Variants in FOXN3 observed in about 807,000 individuals in gnomAD.
FOXN3 encodes the protein forkhead box N3.
In FOXN3, 7 loss-of-function variants were observed where a neutral mutation model predicts 38.4. The ratio of observed to expected loss-of-function variants is 0.18; its 90% confidence interval spans 0.10 to 0.34. The LOEUF is 0.34. Ranked by LOEUF, FOXN3 falls within the 10% of genes least tolerant of loss-of-function variation. FOXN3 has a pLI of 1.00. For missense variants in FOXN3, 456 were observed against 613.4 expected, an observed-to-expected ratio of 0.74 and a Z score of 2.71; for synonymous variants, 230 against 242.2, an observed-to-expected ratio of 0.95 and a Z score of 0.47.
intron 1 of FOXN3, among the ~76,000 whole-genome samples, chr14:89,531,149 A>G (rs1376511813): frequency 2.0e-5 from 3 of 149,986 alleles, no homozygotes; most frequent in African/African-American, 4.9e-5. Context: ...TGTATTATAT[A>G]TACACATATA....
chr14:89,468,951 T>C (rs990550406), intron 1 of FOXN3, among the ~76,000 whole-genome samples: 24 of 152,194 alleles, frequency 1.6e-4, no homozygotes, highest in African/African-American at 5.8e-4. Flanking sequence ...GCTCTGCCCA[T>C]ATACCCTGAC....
intron 2 of FOXN3, among the ~76,000 whole-genome samples, chr14:89,373,182 A>C (rs976934806): frequency 1.3e-4 from 20 of 152,290 alleles, no homozygotes; most frequent in Admixed American, 1.1e-3. Context: ...AAGAAAAAAA[A>C]CAATTAAATG....
chr14:89,315,403 G>A (rs2110700), intron 3 of FOXN3, among the ~76,000 whole-genome samples: 102,010 of 151,958 alleles, frequency 0.67, 34,408 homozygotes, highest in East Asian at 0.72. Context: ...GAAGCCAGGC[G>A]TCAATAGTCC....
chr14:89,306,102 T>A (rs1056601949), intron 3 of FOXN3, among the ~76,000 whole-genome samples: 5 of 152,268 alleles, frequency 3.3e-5, no homozygotes, highest in Non-Finnish European at 7.3e-5. Context: ...TTTCTGCCTT[T>A]GTCTGCATTC....
intron 1 of FOXN3, among the ~76,000 whole-genome samples, chr14:89,494,935 C>T (rs1156677494): frequency 6.6e-6 from 1 of 152,028 alleles, no homozygotes; most frequent in Non-Finnish European, 1.5e-5. Context: ...CTCTTTTTTG[C>T]TTCAAGTTCA....
intron 4 of FOXN3, among the ~76,000 whole-genome samples, chr14:89,216,933 G>A (rs1041213604): frequency 3.9e-5 from 6 of 152,162 alleles, no homozygotes; most frequent in Non-Finnish European, 7.3e-5. Flanking sequence ...TTGAGGGCAA[G>A]GAGTGTGGAA....
chr14:89,403,265 G>A (rs1437935359), intron 2 of FOXN3, among the ~76,000 whole-genome samples: 3 of 152,136 alleles, frequency 2.0e-5, no homozygotes, highest in Middle Eastern at 6.8e-3. Context: ...GCAGTGGTGC[G>A]ATCATGGCTC....
intron 2 of FOXN3, among the ~76,000 whole-genome samples, chr14:89,370,984 G>T (rs1017932802): frequency 7.6e-6 from 1 of 131,316 alleles, no homozygotes; most frequent in Non-Finnish European, 1.8e-5. Context: ...AAAACCGTGC[G>T]TCTATTTCAG....
chr14:89,401,837 C>A (rs1383647995), intron 2 of FOXN3, among the ~76,000 whole-genome samples: 1 of 152,166 alleles, frequency 6.6e-6, no homozygotes, highest in Non-Finnish European at 1.5e-5. Flanking sequence ...GAACTCGACC[C>A]CACGGGGCCC....
chr14:89,374,963 T>G (rs1596236688), intron 2 of FOXN3, among the ~76,000 whole-genome samples: 1 of 143,400 alleles, frequency 7.0e-6, no homozygotes, highest in African/African-American at 2.6e-5. Flanking sequence ...AGTGACAGAG[T>G]GAGACTCCGT....
At chr14:89,515,086 C>T (rs902369558) in intron 1 of FOXN3, among the ~76,000 whole-genome samples, 1 of 151,788 alleles carries the variant, frequency 6.6e-6, no homozygotes, top group Non-Finnish European at 1.5e-5. Flanking sequence ...CGTCCAGCTA[C>T]TTTTTTTTGT....
At chr14:89,210,927 C>T (rs1596105567) in intron 4 of FOXN3, among the ~76,000 whole-genome samples, 1 of 152,160 alleles carries the variant, frequency 6.6e-6, no homozygotes, top group African/African-American at 2.4e-5. Flanking sequence ...GTTTGGACTA[C>T]AGAACACAAT....
intron 1 of FOXN3, among the ~76,000 whole-genome samples, chr14:89,525,178 A>G (rs913277119): frequency 6.6e-6 from 1 of 152,158 alleles, no homozygotes; most frequent in Non-Finnish European, 1.5e-5. Context: ...CAGGAGGTTG[A>G]GGCATTCTTA....
At chr14:89,373,474 G>T in intron 2 of FOXN3, among the ~76,000 whole-genome samples, 1 of 150,376 alleles carries the variant, frequency 6.6e-6, no homozygotes. Flanking sequence ...TTGGGGTGGG[G>T]GTGGGGGGAG....
At chr14:89,553,455 A>G (rs533704500) in intron 1 of FOXN3, among the ~76,000 whole-genome samples, 1 of 152,148 alleles carries the variant, frequency 6.6e-6, no homozygotes, top group East Asian at 1.9e-4. Context: ...AAAGTGAAAA[A>G]AAAAAAAAGG....
At chr14:89,432,415 G>A (rs867537525) in intron 1 of FOXN3, among the ~76,000 whole-genome samples, 99 of 152,286 alleles carry the variant, frequency 6.5e-4, no homozygotes, top group African/African-American at 2.2e-3. Flanking sequence ...CAATGACTGC[G>A]ATCCAAAGGA....
intron 3 of FOXN3, among the ~76,000 whole-genome samples, chr14:89,338,586 G>C (rs561267545): frequency 2.0e-4 from 30 of 152,358 alleles, no homozygotes; most frequent in African/African-American, 7.0e-4. Context: ...CTGAGGTCAG[G>C]AGTGCAAGAC....
At chr14:89,599,886 T>C (rs1476826253) in intron 1 of FOXN3, among the ~76,000 whole-genome samples, 1 of 152,240 alleles carries the variant, frequency 6.6e-6, no homozygotes, top group Non-Finnish European at 1.5e-5. Context: ...CTCAAGCCCA[T>C]GAACTTGTTG....
In FOXN3 at chr14:89,159,929, G is replaced by C. The variant is rs1397481964; in HGVS notation, c.*2485C>G. On this transcript the variant is annotated 3_prime_UTR_variant, in exon 6 of 6. Coordinates refer to ENST00000557258, the MANE Select transcript of FOXN3 (RefSeq NM_005197.4). ...GAATTCGACCTGCTGTAGAGGTGTA[G>C]GTTTTTTCAGGTTCTCTCATCAGCA... 6.6e-6 allele frequency: 1 copy of C among 152,242 alleles called. No homozygotes were observed. Among genetic ancestry groups the C allele is most frequent in the East Asian group, 1.9e-4 (1 of 5,200 alleles). The allele number at this position is 152,242 out of a possible 1,614,324, so 9.4% of individuals were successfully genotyped here. A position where few individuals can be genotyped will look rare whatever the true frequency, so the allele number is the denominator to read the frequency against.
Sources: allele counts gnomAD v4.1 joint callset (sites outside exome capture counted in the v4.1 genomes callset), GRCh38; gene constraint gnomAD v4.1.1; transcripts MANE v1.5; gene names NCBI Gene and HGNC (gene_info 2026-07-23, HGNC 2026-07-21).